The following SATB2 variants were observed in gnomAD, a reference collection of about 807,000 sequenced individuals.
SATB2 encodes the protein SATB homeobox 2, also known as DNA-binding protein SATB2.
SATB2 carries 1 observed loss-of-function variant against 73.4 expected under a neutral mutation model. The ratio of observed to expected loss-of-function variants is 0.01; its 90% CI spans 0.00 to 0.06. SATB2 has a LOEUF of 0.06. SATB2 is among the 10% of genes least tolerant of loss of function. SATB2 has a pLI of 1.00. For missense variants in SATB2, 459 were observed against 945.8 expected (o/e 0.49, Z 6.75); for synonymous variants, 397 against 367.0 (o/e 1.08, Z -0.93).
At chr2:199,397,735 G>A (rs1185221186) in intron 3 of SATB2, 4 of 414,052 alleles carry the variant, frequency 9.7e-6, no homozygotes, top group East Asian at 9.4e-5. Flanking sequence ...CTAAAAATAC[G>A]GAAATAAGCC....
intron 10 of SATB2, among the ~76,000 whole-genome samples, chr2:199,276,940 G>A (rs954939439): frequency 1.3e-5 from 2 of 152,094 alleles, no homozygotes; most frequent in African/African-American, 4.8e-5. Flanking sequence ...TAATAAGATC[G>A]ATAAATAAAT....
At chr2:199,434,040 T>G (rs546498135) in intron 2 of SATB2, among the ~76,000 whole-genome samples, 1 of 152,252 alleles carries the variant, frequency 6.6e-6, no homozygotes, top group African/African-American at 2.4e-5. Context: ...AAGGTGGTAT[T>G]GATTTTAAGG....
intron 7 of SATB2, 27 bp from the exon 8 acceptor site, chr2:199,328,937 C>A (rs184359556): frequency 1.3e-6 from 2 of 1,571,562 alleles, no homozygotes; most frequent in East Asian, 4.5e-5. Context: ...AAAAAACAGA[C>A]CAAGTCACAT....
chr2:199,417,052 AC>A (rs1224363209), intron 3 of SATB2, among the ~76,000 whole-genome samples: 2 of 151,090 alleles, frequency 1.3e-5, no homozygotes, highest in Non-Finnish European at 3.0e-5. Flanking sequence ...ACACACACAC[AC>A]ACACACACAC....
chr2:199,283,781 T>C (rs952064098), intron 10 of SATB2, among the ~76,000 whole-genome samples: 7 of 152,040 alleles, frequency 4.6e-5, no homozygotes, highest in African/African-American at 1.2e-4. Flanking sequence ...AGCAGTAAAA[T>C]TGTATTACTT....
At chr2:199,409,660 T>G (rs564579791) in intron 3 of SATB2, among the ~76,000 whole-genome samples, 87 of 145,712 alleles carry the variant, frequency 6.0e-4, no homozygotes, top group African/African-American at 1.8e-3. Flanking sequence ...GTTTTTTTTG[T>G]TTTTTTTTGT....
At chr2:199,295,481 T>C (rs996064079) in intron 10 of SATB2, among the ~76,000 whole-genome samples, 11 of 152,024 alleles carry the variant, frequency 7.2e-5, no homozygotes, top group Admixed American at 3.3e-4. Context: ...AATCCCACCA[T>C]GGCCAGTTTC....
chr2:199,407,881 T>C (rs1334691465), intron 3 of SATB2, among the ~76,000 whole-genome samples: 22 of 152,030 alleles, frequency 1.4e-4, no homozygotes, highest in Admixed American at 1.2e-3. Flanking sequence ...AATAAAATCA[T>C]GAACAAACAG....
chr2:199,384,218 CCA>C (rs1444802811), intron 3 of SATB2, among the ~76,000 whole-genome samples: 2 of 152,208 alleles, frequency 1.3e-5, no homozygotes, highest in African/African-American at 4.8e-5. Context: ...CTTAATACCT[CCA>C]CATAGAGCAG....
chr2:199,461,344 A>T (rs1423329246), upstream of SATB2, among the ~76,000 whole-genome samples: 2 of 152,210 alleles, frequency 1.3e-5, no homozygotes, highest in South Asian at 2.1e-4. Flanking sequence ...AATAAGATAT[A>T]TTTTAATAGT....
rs1692165702 is a variant in SATB2 at position 199,271,795 on chromosome 2, T to C, written c.*416A>G. 1 of 239,998 alleles carries C rather than the reference T, an allele frequency of 4.2e-6. No individual in the cohort carries two copies. Among genetic ancestry groups the C allele is most frequent in the Non-Finnish European group, 8.3e-6 (1 of 120,826 alleles). The allele number at this position is 239,998 out of a possible 1,614,324, so 14.9% of individuals were successfully genotyped here. On this transcript the variant is annotated 3_prime_UTR_variant, in exon 11 of 11. Coordinates refer to ENST00000417098, the MANE Select transcript of SATB2 (RefSeq NM_001172509.2). ...ATATATATGTAAATATAGAGATATATACATATACATATACACACACACTTG... is the reference window on the plus strand; with the variant it reads ...ATATATATGTAAATATAGAGATATACACATATACATATACACACACACTTG...
rs77809721 is a variant in SATB2 at position 199,439,022 on chromosome 2, G to A, written c.170-5508C>T. On this transcript the variant is annotated intron_variant, in intron 2 of 10. Transcript: ENST00000417098. ...TAAGGGCTTGGCCTCTTAATAAAAA[G>A]GACCCTTTACCACTTGCTATGTCCA... 1.1e-3 allele frequency among the ~76,000 whole-genome samples: 175 copies of A among 152,284 alleles called. 1 individual carries two copies. In the East Asian group the frequency reaches 0.018, roughly 15 times the overall value.
At chr2:199,442,667 A>C (rs1020116081) in intron 2 of SATB2, among the ~76,000 whole-genome samples, 2 of 152,280 alleles carry the variant, frequency 1.3e-5, no homozygotes, top group Non-Finnish European at 2.9e-5. Flanking sequence ...GGATCAGTTG[A>C]GCTTAGGAGT....
At chr2:199,363,787 T>A (rs1052250609) in intron 6 of SATB2, among the ~76,000 whole-genome samples, 1 of 152,152 alleles carries the variant, frequency 6.6e-6, no homozygotes, top group Non-Finnish European at 1.5e-5. Flanking sequence ...CGTAAGTAAA[T>A]ATGTATACAA....
rs374300066 is a variant in SATB2, at chr2:199,328,679, C to T, written c.1386+19G>A. ...TTTCCAAGACAAAGAGTGAAAAATA[C>T]GGAAAGCAAGTTTCTCACCTGAGGG... On this transcript the variant is annotated intron_variant, in intron 8 of 10. Transcript: ENST00000417098. 9.9e-5 allele frequency: 159 copies of T among 1,601,780 alleles called. 2 individuals are homozygous for T. The South Asian group carries it at 1.6e-3, about 16-fold the overall frequency.
At chr2:199,412,206 T>C (rs1446487850) in intron 3 of SATB2, among the ~76,000 whole-genome samples, 3 of 152,216 alleles carry the variant, frequency 2.0e-5, no homozygotes, top group African/African-American at 7.2e-5. Context: ...CAGTGATGCA[T>C]ACTTGGAAAA....
intron 3 of SATB2, among the ~76,000 whole-genome samples, chr2:199,426,958 C>G (rs925194842): frequency 1.3e-5 from 2 of 152,058 alleles, no homozygotes; most frequent in South Asian, 4.2e-4. Context: ...ACTGCAACCT[C>G]CACCTCCTGG....
At chr2:199,426,247 G>A (rs1282314936) in intron 3 of SATB2, among the ~76,000 whole-genome samples, 2 of 152,022 alleles carry the variant, frequency 1.3e-5, no homozygotes, top group Non-Finnish European at 2.9e-5. Flanking sequence ...AATAGAGAAA[G>A]CAAGACAAGA....
At chr2:199,318,381 G>C (rs968258057) in intron 9 of SATB2, among the ~76,000 whole-genome samples, 2 of 151,912 alleles carry the variant, frequency 1.3e-5, no homozygotes, top group Non-Finnish European at 2.9e-5. Context: ...TTTTTTAAAG[G>C]CTAGGAAACT....
Sources: allele counts gnomAD v4.1 joint callset (sites outside exome capture counted in the v4.1 genomes callset), GRCh38; gene constraint gnomAD v4.1.1; transcripts MANE v1.5; gene names NCBI Gene and HGNC (gene_info 2026-07-23, HGNC 2026-07-21).